UBXN7: variants seen among roughly 807,000 people sequenced by gnomAD.
UBXN7 encodes UBX domain-containing protein 7.
Under a neutral mutation model 58.0 loss-of-function variants are expected in UBXN7, and 9 were observed. The ratio of observed to expected loss-of-function variants is 0.16; its 90% CI spans 0.09 to 0.27. The LOEUF is 0.27. UBXN7 is among the 10% of genes least tolerant of loss of function. The pLI, the probability that UBXN7 is intolerant of heterozygous loss-of-function variation, is 1.00. For missense variants in UBXN7, 328 were observed against 599.6 expected (o/e 0.55, Z 4.73); for synonymous variants, 208 against 205.0 (o/e 1.01, Z -0.12).
chr3:196,376,641 T>C (rs906427109), intron 5 of UBXN7, among the ~76,000 whole-genome samples: 4 of 151,952 alleles, frequency 2.6e-5, no homozygotes, highest in African/African-American at 9.7e-5. Flanking sequence ...ATATTTTCAC[T>C]TGCATTTATA....
chr3:196,349,451 CAT>C lies in UBXN7; in HGVS notation c.*7232_*7233del, dbSNP rs1231701398. The C allele has an allele frequency of 1.3e-5, 2 of 152,146 alleles. No individual in the cohort carries two copies. Among genetic ancestry groups the C allele is most frequent in the African/African-American group, 2.4e-5 (1 of 41,416 alleles). The allele number at this position is 152,146 out of a possible 1,614,324, so 9.4% of individuals were successfully genotyped here. A position where few individuals can be genotyped will look rare whatever the true frequency, so the allele number is the denominator to read the frequency against. ...AAAAGCATATGATTAGTGTCATAAA[CAT>C]ATTTATATTTGGAATTACACCATTT... On this transcript the variant is annotated 3_prime_UTR_variant, in exon 11 of 11. Coordinates refer to ENST00000296328, the MANE Select transcript of UBXN7 (RefSeq NM_015562.2).
intron 8 of UBXN7, among the ~76,000 whole-genome samples, chr3:196,363,750 G>A (rs983448645): frequency 1.3e-5 from 2 of 152,016 alleles, no homozygotes; most frequent in Non-Finnish European, 2.9e-5. Context: ...CCAACATGGC[G>A]AAACCCCATC....
intron 5 of UBXN7, among the ~76,000 whole-genome samples, chr3:196,377,765 C>A (rs1410360837): frequency 6.6e-6 from 1 of 152,104 alleles, no homozygotes; most frequent in Admixed American, 6.5e-5. Flanking sequence ...CTCCTGGGCT[C>A]AAGCGATCCT....
At chr3:196,360,071 G>A (rs566276398) in intron 10 of UBXN7, among the ~76,000 whole-genome samples, 11 of 152,338 alleles carry the variant, frequency 7.2e-5, no homozygotes, top group Non-Finnish European at 1.2e-4. Context: ...TGAAGGCTAA[G>A]GGAGTTAAGG....
chr3:196,361,010 G>A (rs1728490807), intron 10 of UBXN7, among the ~76,000 whole-genome samples: 1 of 152,114 alleles, frequency 6.6e-6, no homozygotes, highest in Non-Finnish European at 1.5e-5. Context: ...ATGAATCTGG[G>A]CAAAGTAAAC....
At chr3:196,414,009 T>C (rs1371716806) in intron 1 of UBXN7, among the ~76,000 whole-genome samples, 1 of 152,152 alleles carries the variant, frequency 6.6e-6, no homozygotes, top group Non-Finnish European at 1.5e-5. Flanking sequence ...TGTTTTCTTT[T>C]TCCCTGAATA....
intron 3 of UBXN7, among the ~76,000 whole-genome samples, chr3:196,401,458 A>G (rs907604992): frequency 2.0e-5 from 3 of 151,052 alleles, no homozygotes; most frequent in African/African-American, 7.3e-5. Context: ...GTTACAACGT[A>G]TATTTCCTCC....
chr3:196,425,826 A>T (rs1730832020), intron 1 of UBXN7, among the ~76,000 whole-genome samples: 1 of 152,192 alleles, frequency 6.6e-6, no homozygotes, highest in African/African-American at 2.4e-5. Context: ...GATTTTAGAT[A>T]AAAAAGTATT....
intron 1 of UBXN7, among the ~76,000 whole-genome samples, chr3:196,422,265 C>T (rs1211964247): frequency 6.6e-6 from 1 of 151,838 alleles, no homozygotes; most frequent in Non-Finnish European, 1.5e-5. Flanking sequence ...CTGTGGGAGA[C>T]CAAGGCAGGA....
chr3:196,406,679 C>T lies in UBXN7; in HGVS notation c.221+567G>A, dbSNP rs1275923229. ...CAAGCTGGTCTCGACCTCCTGACCT[C>T]GTGATCAGCCCACCTCGGCCTCCCA... is the stretch of plus-strand genomic sequence containing the variant. On this transcript the variant is annotated intron_variant, in intron 2 of 10. Transcript: ENST00000296328. 3.3e-5 allele frequency among the ~76,000 whole-genome samples: 5 copies of T among 151,672 alleles called. 1 individual carries two copies. Among genetic ancestry groups the T allele is most frequent in the African/African-American group, 1.2e-4 (5 of 41,272 alleles).
At chr3:196,424,830 G>A (rs1730798346) in intron 1 of UBXN7, among the ~76,000 whole-genome samples, 2 of 150,822 alleles carry the variant, frequency 1.3e-5, no homozygotes, top group Non-Finnish European at 1.5e-5. Context: ...AGCCTCCTGA[G>A]TAGCTGGGAT....
rs1311316980 is a variant in UBXN7 at position 196,403,009 on chromosome 3, G to A, written c.232C>T (p.Arg78Cys). The A allele has an allele frequency of 1.9e-6, 3 of 1,589,858 alleles. No individual in the cohort carries two copies. The highest frequency in any genetic ancestry group is 1.7e-4 in the Middle Eastern group (1 of 6,012). Residue 78 changes from arginine to cysteine, a missense_variant, in exon 3 of 11, where the codon CGT becomes TGT. By Grantham distance (180) the Arg-to-Cys change is radical. Coordinates refer to ENST00000296328, the MANE Select transcript of UBXN7 (RefSeq NM_015562.2). ...TCCTGCTTTTGAGGAATTGGGGCAC[G>A]AACTTCTTCTCTATTAAAAAAAAAT... is the stretch of plus-strand genomic sequence containing the variant. ...TVRPHTEEEV[R>C]APIPQKQEIL...
intron 1 of UBXN7, among the ~76,000 whole-genome samples, chr3:196,415,895 T>C (rs556202767): frequency 6.6e-6 from 1 of 152,316 alleles, no homozygotes; most frequent in South Asian, 2.1e-4. Flanking sequence ...CTAGCAGAGA[T>C]GCACAATCTG....
intron 5 of UBXN7, among the ~76,000 whole-genome samples, chr3:196,389,263 TGA>T (rs1251070359): frequency 2.0e-5 from 3 of 152,078 alleles, no homozygotes; most frequent in African/African-American, 7.2e-5. Context: ...GTTGAGACCA[TGA>T]AGGAAAGATG....
chr3:196,366,962 C>G (rs1264009144), intron 8 of UBXN7, among the ~76,000 whole-genome samples: 1 of 152,144 alleles, frequency 6.6e-6, no homozygotes, highest in Non-Finnish European at 1.5e-5. Context: ...AAGGGCGGAT[C>G]ACTTGAAGTC....
chr3:196,410,684 T>C (rs1430521248), intron 1 of UBXN7, among the ~76,000 whole-genome samples: 1 of 152,042 alleles, frequency 6.6e-6, no homozygotes, highest in Admixed American at 6.6e-5. Context: ...TAGCCAAGCA[T>C]GTGAGCACAC....
chr3:196,388,243 T>C (rs1400400243), intron 5 of UBXN7, among the ~76,000 whole-genome samples: 1 of 143,838 alleles, frequency 7.0e-6, no homozygotes, highest in Non-Finnish European at 1.5e-5. Context: ...TATTGAACAA[T>C]GAGATCACTT....
chr3:196,389,194 TTCTC>T (rs150584558), intron 5 of UBXN7, among the ~76,000 whole-genome samples: 2 of 152,122 alleles, frequency 1.3e-5, no homozygotes, highest in Non-Finnish European at 2.9e-5. Context: ...ATTGCTGCTA[TTCTC>T]TCTCTCAATG....
intron 5 of UBXN7, among the ~76,000 whole-genome samples, chr3:196,383,845 C>G (rs547634722): frequency 6.6e-6 from 1 of 152,200 alleles, no homozygotes; most frequent in African/African-American, 2.4e-5. Flanking sequence ...CAAGAGAAAG[C>G]AGGAAAGATC....
Sources: allele counts gnomAD v4.1 joint callset (sites outside exome capture counted in the v4.1 genomes callset), GRCh38; gene constraint gnomAD v4.1.1; transcripts MANE v1.5; gene names NCBI Gene and HGNC (gene_info 2026-07-23, HGNC 2026-07-21).